The following IL7 variants were observed in gnomAD, a reference collection of about 807,000 sequenced individuals.
IL7 encodes the protein interleukin 7, also known as interleukin-7.
IL7 carries 3 observed loss-of-function variants against 21.6 expected under a neutral mutation model. That is an observed-to-expected ratio of 0.14 (90% CI 0.06 to 0.36). IL7 has a LOEUF of 0.36. Ranked by LOEUF, IL7 falls within the 10% of genes least tolerant of loss-of-function variation. The pLI, the probability that IL7 is intolerant of heterozygous loss-of-function variation, is 1.00. For synonymous variants in IL7, 62 were observed against 68.1 expected (o/e 0.91, Z 0.44); for missense variants, 175 against 200.2 (o/e 0.87, Z 0.76).
At chr8:78,701,286 C>T (rs1223809629) in intron 3 of IL7, among the ~76,000 whole-genome samples, 1 of 152,164 alleles carries the variant, frequency 6.6e-6, no homozygotes. Context: ...TGATTTGGCT[C>T]TCTGCTTAGC....
chr8:78,686,826 T>A (rs940428900), intron 3 of IL7, among the ~76,000 whole-genome samples: 8 of 152,130 alleles, frequency 5.3e-5, no homozygotes, highest in African/African-American at 1.9e-4. Flanking sequence ...ATTTTAATAC[T>A]TTTATTTAAA....
chr8:78,680,144 A>T lies in IL7; in HGVS notation n.274-4040T>A, dbSNP rs957264588. Among the ~76,000 whole-genome samples, 4 of 152,150 alleles carry T rather than the reference A, an allele frequency of 2.6e-5. No individual in the cohort carries two copies. In the East Asian group the frequency reaches 7.7e-4, roughly 29 times the overall value. On this transcript the variant is annotated intron_variant and non_coding_transcript_variant, in intron 4 of 4. Transcript: ENST00000523959. ...GTGGTTATTGTAGGGATTACATAAGATTATCCATGGTGATTTCAATGAATA... is the reference window on the plus strand; with the variant it reads ...GTGGTTATTGTAGGGATTACATAAGTTTATCCATGGTGATTTCAATGAATA...
chr8:78,805,038 G>T lies in IL7; in HGVS notation c.-116C>A. On this transcript the variant is annotated 5_prime_UTR_variant, in exon 1 of 6. Coordinates refer to ENST00000263851, the MANE Select transcript of IL7 (RefSeq NM_000880.4). ...TCCGCGGAGTTGCCGAGTCTGTGTT[G>T]GGCAGGGTGATCTCTGCAGCTGGTT... The T allele has an allele frequency of 8.7e-7, 1 of 1,148,584 alleles. No individual in the cohort carries two copies. The highest frequency in any genetic ancestry group is 1.2e-6 in the Non-Finnish European group (1 of 803,438). The allele number at this position is 1,148,584 out of a possible 1,614,324, so 71.1% of individuals were successfully genotyped here.
intron 3 of IL7, among the ~76,000 whole-genome samples, chr8:78,694,229 G>C (rs1224497747): frequency 6.7e-6 from 1 of 149,224 alleles, no homozygotes; most frequent in Non-Finnish European, 1.5e-5. Context: ...ATAGTTGTTT[G>C]TAATGTGTGT....
intron 4 of IL7, among the ~76,000 whole-genome samples, chr8:78,682,086 A>T (rs1245742771): frequency 6.6e-6 from 1 of 152,046 alleles, no homozygotes. Flanking sequence ...TTCAACACAT[A>T]ATTCTTGATT....
intron 3 of IL7, among the ~76,000 whole-genome samples, chr8:78,691,645 C>T (rs1413148229): frequency 6.6e-6 from 1 of 151,876 alleles, no homozygotes; most frequent in African/African-American, 2.4e-5. Context: ...AAAAATTCAC[C>T]ATTTCTTTTC....
intron 3 of IL7, among the ~76,000 whole-genome samples, chr8:78,712,265 T>C (rs1319865649): frequency 1.3e-5 from 2 of 152,188 alleles, no homozygotes; most frequent in Non-Finnish European, 2.9e-5. Flanking sequence ...TTAAAACATT[T>C]TGATTTTTAG....
chr8:78,779,371 G>A (rs1813240166), intron 2 of IL7, among the ~76,000 whole-genome samples: 1 of 152,116 alleles, frequency 6.6e-6, no homozygotes, highest in South Asian at 2.1e-4. Flanking sequence ...TTGGCTGTGG[G>A]TTTGTCATAA....
At chr8:78,777,747 C>T (rs1813179111) in intron 2 of IL7, among the ~76,000 whole-genome samples, 1 of 152,036 alleles carries the variant, frequency 6.6e-6, no homozygotes, top group Non-Finnish European at 1.5e-5. Flanking sequence ...CTCAACAGTG[C>T]CAACTACGAA....
chr8:78,760,235 G>C (rs1341566070), intron 2 of IL7: 1 of 1,602,966 alleles, frequency 6.2e-7, no homozygotes, highest in Non-Finnish European at 8.5e-7. Flanking sequence ...AATCCAGGTC[G>C]TGTTTTATAT....
At chr8:78,689,161 T>C (rs1810124204) in intron 3 of IL7, 3 of 1,272,032 alleles carry the variant, frequency 2.4e-6, no homozygotes, top group Non-Finnish European at 3.1e-6. Context: ...AAACTTAAGA[T>C]TTTTTAATGT....
downstream of IL7, among the ~76,000 whole-genome samples, chr8:78,716,311 G>T (rs554281709): frequency 8.1e-4 from 122 of 151,544 alleles, no homozygotes; most frequent in African/African-American, 2.7e-3. Flanking sequence ...TTTTATTAGA[G>T]ACGGGGTTTC....
At chr8:78,720,283 G>A (rs1811214416) in intron 5 of IL7, among the ~76,000 whole-genome samples, 1 of 151,568 alleles carries the variant, frequency 6.6e-6, no homozygotes, top group South Asian at 2.1e-4. Flanking sequence ...GAACACTTGG[G>A]TATTTATTTT....
At chr8:78,686,680 C>T in intron 3 of IL7, 7 of 1,351,728 alleles carry the variant, frequency 5.2e-6, no homozygotes, top group Non-Finnish European at 6.7e-6. Flanking sequence ...TAAATTTTCA[C>T]TTGTTAAGCT....
At chr8:78,761,330 A>T in intron 2 of IL7, 1 of 1,611,826 alleles carries the variant, frequency 6.2e-7, no homozygotes, top group Middle Eastern at 2.3e-4. Context: ...TGCCAACCAC[A>T]TATTTAAGGC....
At position 78,740,073 on chromosome 8, in the gene IL7, T is replaced by G; in HGVS notation, c.157A>C (p.Lys53Gln). 1 of 1,525,134 alleles carries G rather than the reference T, an allele frequency of 6.6e-7. No homozygotes were observed. Among genetic ancestry groups the G allele is most frequent in the South Asian group, 1.3e-5 (1 of 75,158 alleles). The allele number at this position is 1,525,134 out of a possible 1,614,324, so 94.5% of individuals were successfully genotyped here. A position where few individuals can be genotyped will look rare whatever the true frequency, so the allele number is the denominator to read the frequency against. ...VSIDQLLDSM[K>Q]EIGSNCLNNE... ...TTCAGGCAATTGCTACCAATTTCTT[T>G]CATGCTGTCCTGTAATAAATAACAT... Residue 53 changes from lysine to glutamine, a missense_variant, in exon 3 of 6, where the codon AAA (lysine) becomes CAA (glutamine). Physicochemically the swap from Lys to Gln is moderately conservative, Grantham distance 53. Coordinates refer to ENST00000263851, the MANE Select transcript of IL7 (RefSeq NM_000880.4).
chr8:78,701,181 G>A (rs1586016780), intron 3 of IL7, among the ~76,000 whole-genome samples: 1 of 152,084 alleles, frequency 6.6e-6, no homozygotes, highest in South Asian at 2.1e-4. Flanking sequence ...GCATTGGCTT[G>A]TAGTCCTCCT....
intron 2 of IL7, among the ~76,000 whole-genome samples, chr8:78,794,031 T>A (rs72666866): frequency 1.1e-4 from 17 of 152,102 alleles, no homozygotes; most frequent in Non-Finnish European, 1.6e-4. Flanking sequence ...TCTAATTCTC[T>A]TGCTATTTCT....
intron 2 of IL7, among the ~76,000 whole-genome samples, chr8:78,753,595 C>T (rs961997432): frequency 3.9e-5 from 6 of 152,078 alleles, no homozygotes; most frequent in Admixed American, 6.6e-5. Flanking sequence ...TACCATTTGT[C>T]AATTTGGGCC....
Sources: gnomAD v4.1 joint callset for allele counts (sites outside exome capture counted in the v4.1 genomes callset) on GRCh38, gnomAD v4.1.1 for gene constraint, MANE v1.5 for transcripts, NCBI Gene and HGNC (gene_info 2026-07-23, HGNC 2026-07-21) for gene names.